Variants in GPS2 observed in about 807,000 individuals in gnomAD.
GPS2 encodes the protein G protein pathway suppressor 2, also known as GPS-2.
Under a neutral mutation model 48.1 loss-of-function variants are expected in GPS2, and 22 were observed. The ratio of observed to expected loss-of-function variants is 0.46; its 90% CI spans 0.33 to 0.65. The LOEUF (loss-of-function observed/expected upper bound fraction) is 0.65, where lower values mean the gene tolerates loss of function less well. Ranked by LOEUF, GPS2 falls within the 30% of genes least tolerant of loss-of-function variation. GPS2 has a pLI of 0.03. For synonymous variants in GPS2, 202 were observed against 142.5 expected (o/e 1.42, Z -2.98); for missense variants, 366 against 406.8 (o/e 0.90, Z 0.86).
chr17:7,313,092 C>T lies in GPS2; in HGVS notation c.837G>A (p.Leu279=). The T allele has an allele frequency of 1.3e-6, 2 of 1,577,222 alleles. No individual in the cohort carries two copies. The highest frequency in any genetic ancestry group is 8.6e-7 in the Non-Finnish European group (1 of 1,158,860). The change falls in exon 10 of 11, where the codon CTG becomes CTA. Residue 279 remains leucine (L), a synonymous_variant. Coordinates refer to ENST00000380728, the MANE Select transcript of GPS2 (RefSeq NM_004489.5). ...SSLRPMHPQA[L]HPAPGLLASP... ...AAGCAAGGAGTCCAGGGGCTGGATG[C>T]AGAGCCTGGGGGTGCATGGGGCGCA...
Position 7,314,080 on chromosome 17 carries a change from C to T in GPS2, c.397G>A (p.Gly133Arg). The T allele has an allele frequency of 1.2e-6, 2 of 1,613,752 alleles. No individual in the cohort carries two copies. The highest frequency in any genetic ancestry group is 2.2e-5 in the South Asian group (2 of 91,058). Residue 133 changes from glycine to arginine, a missense_variant and splice_region_variant, in exon 5 of 11, where the codon GGG becomes AGG. Physicochemically the swap from Gly to Arg is moderately radical, Grantham distance 125 (BLOSUM62 -2). Transcript: ENST00000380728. ...HTGTHLLSMQ[G>R]SPGGHNRPGT... is the part of the protein sequence containing the mutation. ...ATCTGGTGGTTTCTTTAGTCCTCAC[C>T]CTGCATGCTGAGGAGATGAGTTCCT...
chr17:7,312,849 G>A lies in GPS2; in HGVS notation c.901-10C>T. 1.2e-6 allele frequency: 2 copies of A among 1,611,904 alleles called. No individual in the cohort carries two copies. Among genetic ancestry groups the A allele is most frequent in the Non-Finnish European group, 1.7e-6 (2 of 1,178,092 alleles). On this transcript the variant is annotated splice_polypyrimidine_tract_variant and intron_variant, in intron 10 of 10. Coordinates refer to ENST00000380728, the MANE Select transcript of GPS2 (RefSeq NM_004489.5). ...TAGCTGCAAAGCCCGACTGGTGGTGGTGATGAAAAGAGGGCTTTGTCACTG... is the reference window on the plus strand; with the variant it reads ...TAGCTGCAAAGCCCGACTGGTGGTGATGATGAAAAGAGGGCTTTGTCACTG...
Position 7,313,372 on chromosome 17 carries a change from G to A in GPS2, c.724+8C>T. ...GAGAGCTAGAGCTCCTGCATGGGAT[G>A]TTATCACCTGTCTGAGTGGGCTGAA... is the stretch of plus-strand genomic sequence containing the variant. On this transcript the variant is annotated splice_region_variant and intron_variant, in intron 8 of 10. Coordinates refer to ENST00000380728, the MANE Select transcript of GPS2 (RefSeq NM_004489.5). 1 of 1,613,612 alleles carries A rather than the reference G, an allele frequency of 6.2e-7. No individual in the cohort carries two copies. Among genetic ancestry groups the A allele is most frequent in the Non-Finnish European group, 8.5e-7 (1 of 1,179,488 alleles).
chr17:7,313,361 C>T lies in GPS2; in HGVS notation c.724+19G>A, dbSNP rs1482379238. 6.2e-7 allele frequency: 1 copy of T among 1,612,966 alleles called. No individual in the cohort carries two copies. Among genetic ancestry groups the T allele is most frequent in the South Asian group, 1.1e-5 (1 of 91,040 alleles). On this transcript the variant is annotated intron_variant, in intron 8 of 10. Coordinates refer to ENST00000380728, the MANE Select transcript of GPS2 (RefSeq NM_004489.5). ...GGGGAGGACCTGAGAGCTAGAGCTC[C>T]TGCATGGGATGTTATCACCTGTCTG...
chr17:7,314,701 C>T, intron 2 of GPS2, 104 bp from the exon 3 acceptor site: 2 of 1,582,252 alleles, frequency 1.3e-6, no homozygotes, highest in South Asian at 1.1e-5. Flanking sequence ...CGCCTGTATG[C>T]TCTTTGCCTC....
In GPS2 at chr17:7,313,271, C is replaced by T. The variant is rs1011027797; in HGVS notation, c.745G>A (p.Ala249Thr). ...TCCATCTGCTTTTGCAAGGACAGGG[C>T]ACCACCAGGCTGGAGGAAACCTAGG... is the stretch of plus-strand genomic sequence containing the variant. ...TQTGFLQPGG[A>T]LSLQKQMEHA... is the part of the protein sequence containing the mutation. The change falls in exon 9 of 11, where the codon GCC becomes ACC. Residue 249 changes from alanine to threonine, a missense_variant. This residue lies in a region of GPS2 where 275 missense variants were observed against 282.3 expected (regional missense o/e 0.97). Transcript: ENST00000380728. 7 of 1,614,136 alleles carry T rather than the reference C, an allele frequency of 4.3e-6. No individual in the cohort carries two copies. Among genetic ancestry groups the T allele is most frequent in the South Asian group, 1.1e-5 (1 of 91,076 alleles).
chr17:7,313,563 C>G lies in GPS2; in HGVS notation c.634+5G>C, dbSNP rs1328981641. ...AGGCCAAGCCCCATCCCTCCTATTA[C>G]TCACCTCTGAGCTGCTGACTAGGAC... On this transcript the variant is annotated splice_donor_5th_base_variant and intron_variant, in intron 7 of 10. Coordinates refer to ENST00000380728, the MANE Select transcript of GPS2 (RefSeq NM_004489.5). The G allele has an allele frequency of 1.2e-6, 2 of 1,613,664 alleles. No individual in the cohort carries two copies. Among genetic ancestry groups the G allele is most frequent in the Non-Finnish European group, 1.7e-6 (2 of 1,179,638 alleles).
chr17:7,314,009 C>A, intron 5 of GPS2, 21 bp from the exon 6 acceptor site: 1 of 1,612,620 alleles, frequency 6.2e-7, no homozygotes, highest in Non-Finnish European at 8.5e-7. Context: ...AGAAGGGCTT[C>A]ATGATGCTGA....
rs1567615385 is a variant in GPS2, at chr17:7,313,203, C to G, written c.804+9G>C. ...CCCTAACCCTGACCTCCCAAGGTGC[C>G]ATACTCACTGAGTCGGAGAAGCCAG... On this transcript the variant is annotated intron_variant, in intron 9 of 10. Coordinates refer to ENST00000380728, the MANE Select transcript of GPS2 (RefSeq NM_004489.5). The G allele has an allele frequency of 6.2e-7, 1 of 1,613,508 alleles. No individual in the cohort carries two copies.
chr17:7,314,255 T>C, intron 4 of GPS2, 36 bp downstream of exon 4: 2 of 1,599,466 alleles, frequency 1.3e-6, no homozygotes, highest in Non-Finnish European at 1.7e-6. Context: ...CAGTTCCACT[T>C]GGCCCCCATT....
Position 7,312,667 on chromosome 17 carries a change from C to T in GPS2, c.*89G>A. On this transcript the variant is annotated 3_prime_UTR_variant, in exon 11 of 11. Coordinates refer to ENST00000380728, the MANE Select transcript of GPS2 (RefSeq NM_004489.5). ...AAACAGCAGCAGCCAGGGGCAGTGG[C>T]AGGTAGATTTTATTGGCCTGGGACA... 1 of 1,026,474 alleles carries T rather than the reference C, an allele frequency of 9.7e-7. No homozygotes were observed. The allele number at this position is 1,026,474 out of a possible 1,614,324, so 63.6% of individuals were successfully genotyped here.
rs577399830 is a variant in GPS2 at position 7,315,193 on chromosome 17, G to A, written c.-67-74C>T. The A allele has an allele frequency of 1.1e-4, 50 of 449,400 alleles. No individual in the cohort carries two copies. The South Asian group carries it at 2.5e-3, about 23-fold the overall frequency. 27.8% of individuals were successfully genotyped at this position (449,400 alleles called of 1,614,324 possible). On this transcript the variant is annotated intron_variant, in intron 1 of 10. Coordinates refer to ENST00000380728, the MANE Select transcript of GPS2 (RefSeq NM_004489.5). The stretch of plus-strand genomic sequence containing the variant: ...AGCCCGTCCGCCCGGCCCGCTCGCC[G>A]CCCCGGTCACGTGTCCCAGGAGCCC...
At chr17:7,312,890 C>T (rs2072879650) in intron 10 of GPS2, 51 bp from the exon 11 acceptor site, 1 of 1,542,650 alleles carries the variant, frequency 6.5e-7, no homozygotes, top group Non-Finnish European at 9.0e-7. Context: ...ACTCTCCCTT[C>T]CACTTAATAC....
intron 1 of GPS2, 72 bp downstream of exon 1, chr17:7,315,259 G>A (rs988231394): frequency 6.2e-6 from 2 of 322,202 alleles, no homozygotes; most frequent in Non-Finnish European, 1.1e-5. Context: ...CACCGCGCGC[G>A]GGCGGCGCCG....
Position 7,314,491 on chromosome 17 carries a change from T to G in GPS2, c.201A>C (p.Glu67Asp). Residue 67 changes from glutamate (E) to aspartate (D), a missense_variant, in exon 3 of 11, where the codon GAA becomes GAC. By Grantham distance (45) the Glu-to-Asp change is conservative. This residue lies in a region of GPS2 where 88 missense variants were observed against 107.4 expected (regional missense o/e 0.82). Coordinates refer to ENST00000380728, the MANE Select transcript of GPS2 (RefSeq NM_004489.5). ...GAAAGTTCAAGGGACTGCTTACTTG[T>G]TCCTTGGTCTCCTCTAATGACATTC... ...EERMSLEETK[E>D]QILKLEEKLL... The G allele has an allele frequency of 1.2e-6, 2 of 1,614,186 alleles. No individual in the cohort carries two copies. Among genetic ancestry groups the G allele is most frequent in the Non-Finnish European group, 1.7e-6 (2 of 1,180,022 alleles).
rs1380753874 is a variant in GPS2, at chr17:7,314,950, C to T, written c.94+9G>A. 1 of 1,568,360 alleles carries T rather than the reference C, an allele frequency of 6.4e-7. No homozygotes were observed. The highest frequency in any genetic ancestry group is 1.9e-5 in the Admixed American group (1 of 53,652). On this transcript the variant is annotated intron_variant, in intron 2 of 10. Coordinates refer to ENST00000380728, the MANE Select transcript of GPS2 (RefSeq NM_004489.5). ...GGCCGTGCGTCCCCCTGCTATGGCC[C>T]CGGCTCACCCTGCCGCTTGCGCTCC...
chr17:7,312,714 C>T lies in GPS2; in HGVS notation c.*42G>A, dbSNP rs373554798. The T allele has an allele frequency of 1.8e-5, 27 of 1,468,746 alleles. No individual in the cohort carries two copies. The highest frequency in any genetic ancestry group is 1.0e-4 in the Admixed American group (6 of 59,822). 91.0% of individuals were successfully genotyped at this position (1,468,746 alleles called of 1,614,324 possible). A position where few individuals can be genotyped will look rare whatever the true frequency, so the allele number is the denominator to read the frequency against. ...GACACACAGGGGATACCCTCACCCA[C>T]GATGGGGTGGGGGGTGTGGTGTTGA... On this transcript the variant is annotated 3_prime_UTR_variant, in exon 11 of 11. Coordinates refer to ENST00000380728, the MANE Select transcript of GPS2 (RefSeq NM_004489.5).
Position 7,314,509 on chromosome 17 carries a change from T to C in GPS2, c.183A>G (p.Ser61=), listed in dbSNP as rs759918169. 1.2e-6 allele frequency: 2 copies of C among 1,614,182 alleles called. No homozygotes were observed. Among genetic ancestry groups the C allele is most frequent in the East Asian group, 2.2e-5 (1 of 44,884 alleles). Residue 61 remains serine, a synonymous_variant, in exon 3 of 11, where the codon TCA becomes TCG. Transcript: ENST00000380728. ...RKKKEMEERM[S]LEETKEQILK... is the part of the protein sequence containing the mutation. The stretch of plus-strand genomic sequence containing the variant: ...TTACTTGTTCCTTGGTCTCCTCTAA[T>C]GACATTCTCTCTTCCATCTCCTTTT...
chr17:7,315,155 C>A, intron 1 of GPS2, 36 bp from the exon 2 acceptor site: 2 of 768,386 alleles, frequency 2.6e-6, no homozygotes, highest in South Asian at 2.4e-5. Flanking sequence ...GGGCCGCGCC[C>A]GGCCCAGGCG....
Sources: allele counts gnomAD v4.1 joint callset, GRCh38; gene constraint gnomAD v4.1.1; regional missense constraint gnomAD v4.1.1; transcripts MANE v1.5; gene names NCBI Gene and HGNC (gene_info 2026-07-23, HGNC 2026-07-21).